Variants in FBN3 observed in about 807,000 individuals in gnomAD.
FBN3 encodes the protein fibrillin 3, also known as fibrillin-3.
In FBN3, 234 loss-of-function variants were observed where a neutral mutation model predicts 330.1. The ratio of observed to expected loss-of-function variants is 0.71; its 90% CI spans 0.64 to 0.79. The LOEUF is 0.79. FBN3 is among the 30% of genes least tolerant of loss of function. FBN3 has a pLI of 0.00. For missense variants in FBN3, 3,606 were observed against 3,886.9 expected (o/e 0.93, Z 1.92); for synonymous variants, 1,458 against 1,517.3 (o/e 0.96, Z 0.91).
At chr19:8,074,533 G>A (rs1383620967) in intron 61 of FBN3, among the ~76,000 whole-genome samples, 1 of 151,920 alleles carries the variant, frequency 6.6e-6, no homozygotes, top group Non-Finnish European at 1.5e-5. Flanking sequence ...AAGTGGGCCT[G>A]AAAATGGTAG....
intron 56 of FBN3, among the ~76,000 whole-genome samples, chr19:8,084,159 ACACT>A (rs1485917028): frequency 6.6e-6 from 1 of 152,136 alleles, no homozygotes; most frequent in Non-Finnish European, 1.5e-5. Flanking sequence ...TATCAGTGAC[ACACT>A]CAGTGAGACG....
At position 8,129,305 on chromosome 19, in the gene FBN3, C is replaced by T. The variant is rs1462253236; in HGVS notation, c.2105G>A (p.Arg702Gln). 7 of 1,614,106 alleles carry T rather than the reference C, an allele frequency of 4.3e-6. No homozygotes were observed. The highest frequency in any genetic ancestry group is 2.7e-5 in the African/African-American group (2 of 75,026). ...GTTGCAGACACAGCGGTAGCTGCCC[C>T]GAAGGTTCTCGCACACGCCATTGGC... ...VCANGVCENL[R>Q]GSYRCVCNLG... The change falls in exon 17 of 64, where the codon CGG (arginine) becomes CAG (glutamine). Residue 702 changes from arginine to glutamine, a missense_variant. Coordinates refer to ENST00000600128, the MANE Select transcript of FBN3 (RefSeq NM_032447.5). The surrounding 1 kb of genome is among the most constrained non-coding windows in gnomAD (Gnocchi z 4.5).
intron 29 of FBN3, 72 bp downstream of exon 29, chr19:8,116,602 G>C (rs2082709893): frequency 6.6e-7 from 1 of 1,515,416 alleles, no homozygotes; most frequent in Admixed American, 1.8e-5. Flanking sequence ...GTGCCACCTT[G>C]TGGAAGACCT....
chr19:8,093,170 T>C (rs766480116), intron 47 of FBN3, among the ~76,000 whole-genome samples: 4 of 152,146 alleles, frequency 2.6e-5, no homozygotes, highest in East Asian at 1.9e-4. Flanking sequence ...TAACTCATGT[T>C]GTACTAAGCT....
intron 22 of FBN3, 152 bp downstream of exon 22, chr19:8,125,740 G>C: frequency 1.3e-6 from 1 of 793,164 alleles, no homozygotes; most frequent in Non-Finnish European, 1.8e-6. Context: ...ACAGTGAGCC[G>C]AGATTGCGCC....
chr19:8,110,725 C>G (rs983775917), intron 34 of FBN3, 120 bp downstream of exon 34: 1 of 1,365,930 alleles, frequency 7.3e-7, no homozygotes, highest in South Asian at 1.3e-5. Flanking sequence ...CCCCACCCCC[C>G]AGCAAGACTG....
intron 37 of FBN3, among the ~76,000 whole-genome samples, chr19:8,107,718 G>T (rs1261141356): frequency 1.1e-5 from 1 of 88,972 alleles, no homozygotes; most frequent in African/African-American, 2.9e-5. Context: ...TGGTTGAATG[G>T]AAGTATGGAA....
chr19:8,099,957 T>C (rs1361275331), intron 41 of FBN3, among the ~76,000 whole-genome samples: 4 of 150,684 alleles, frequency 2.7e-5, no homozygotes, highest in African/African-American at 9.8e-5. Context: ...TTGCAGTAAG[T>C]TGAGATAGTG....
Position 8,109,212 on chromosome 19 carries a change from C to A in FBN3, c.4618+15G>T, listed in dbSNP as rs374791516. On this transcript the variant is annotated intron_variant, in intron 36 of 63. Coordinates refer to ENST00000600128, the MANE Select transcript of FBN3 (RefSeq NM_032447.5). The surrounding 1 kb of genome is among the most constrained non-coding windows in gnomAD (Gnocchi z 5.2). ...GGCTTAGGTCACGGTGTTCAACTGC[C>A]CCGCAGGGACTCACTGGTGTTGGCC... 1 of 1,613,316 alleles carries A rather than the reference C, an allele frequency of 6.2e-7. No individual in the cohort carries two copies. The highest frequency in any genetic ancestry group is 8.5e-7 in the Non-Finnish European group (1 of 1,179,616).
chr19:8,088,967 C>A (rs553961034), intron 51 of FBN3, among the ~76,000 whole-genome samples: 1 of 150,460 alleles, frequency 6.6e-6, no homozygotes, highest in African/African-American at 2.5e-5. Context: ...AATGAACAAG[C>A]GAAGGAATGA....
At chr19:8,084,603 T>C (rs569581594) in intron 56 of FBN3, among the ~76,000 whole-genome samples, 7 of 152,220 alleles carry the variant, frequency 4.6e-5, no homozygotes, top group African/African-American at 1.7e-4. Flanking sequence ...ATTTATTTTT[T>C]TGGGACAGAG....
chr19:8,084,024 A>C (rs935146042), intron 56 of FBN3, among the ~76,000 whole-genome samples: 1 of 151,310 alleles, frequency 6.6e-6, no homozygotes, highest in Admixed American at 6.6e-5. Context: ...GGATGGTCTC[A>C]ATCTCCTGAC....
In FBN3 at chr19:8,129,728, A is replaced by C. The variant is rs1479057501; in HGVS notation, c.2045-363T>G. On this transcript the variant is annotated intron_variant, in intron 16 of 63. Coordinates refer to ENST00000600128, the MANE Select transcript of FBN3 (RefSeq NM_032447.5). The surrounding 1 kb of genome is among the most constrained non-coding windows in gnomAD (Gnocchi z 4.5). ...ATTATCTCCAGTTTGGAAATAGTGGAGCAGACATCCATACAGTGGCACTGT... is the reference window on the plus strand; with the variant it reads ...ATTATCTCCAGTTTGGAAATAGTGGCGCAGACATCCATACAGTGGCACTGT... Among the ~76,000 whole-genome samples, 1 of 152,104 alleles carries C rather than the reference A, an allele frequency of 6.6e-6. No homozygotes were observed. The highest frequency in any genetic ancestry group is 2.4e-5 in the African/African-American group (1 of 41,424).
At chr19:8,124,617 A>C (rs1419456801) in intron 22 of FBN3, among the ~76,000 whole-genome samples, 1 of 149,252 alleles carries the variant, frequency 6.7e-6, no homozygotes, top group East Asian at 2.0e-4. Context: ...AGCTCACTGC[A>C]ACCTCCGCCT....
At chr19:8,088,039 C>T (rs1364954955) in intron 52 of FBN3, 21 bp downstream of exon 52, 1 of 1,614,128 alleles carries the variant, frequency 6.2e-7, no homozygotes. Context: ...CGGCCCAGGT[C>T]CTGGGCAAGC....
intron 57 of FBN3, 110 bp from the exon 58 acceptor site, chr19:8,081,590 A>AAGTC: frequency 7.9e-7 from 1 of 1,262,482 alleles, no homozygotes; most frequent in Non-Finnish European, 1.1e-6. Flanking sequence ...CTGTGGACTT[A>AAGTC]CACAGGAATG....
chr19:8,089,927 C>T lies in FBN3; in HGVS notation c.6217G>A (p.Gly2073Arg), dbSNP rs970269817. The T allele has an allele frequency of 1.1e-5, 17 of 1,607,636 alleles. No homozygotes were observed. The highest frequency in any genetic ancestry group is 3.3e-5 in the South Asian group (3 of 90,164). The change falls in exon 50 of 64, where the codon GGG (glycine) becomes AGG (arginine). Residue 2073 changes from glycine (G) to arginine (R), a missense_variant. Coordinates refer to ENST00000600128, the MANE Select transcript of FBN3 (RefSeq NM_032447.5). The stretch of plus-strand genomic sequence containing the variant: ...GAGTCATCCGGGCCTGGGACTGCCC[C>T]GTGGCCAAAGGGGCAGAGCTCCTGA... Reference protein sequence around the residue: ...AFQELCPFGHGAVPGPDDSRE... With the variant: ...AFQELCPFGHRAVPGPDDSRE...
At position 8,131,746 on chromosome 19, in the gene FBN3, C is replaced by A; in HGVS notation, c.1798G>T (p.Gly600Trp). ...TEGSFRCQCL[G>W]GLAVGTDGRV... is the part of the protein sequence containing the mutation. ...CCATCCGTGCCTACCGCCAGCCCCCCCAGGCACTGGCAGCGGAAGGAGCCC... is the reference window on the plus strand; with the variant it reads ...CCATCCGTGCCTACCGCCAGCCCCCACAGGCACTGGCAGCGGAAGGAGCCC... Residue 600 changes from glycine to tryptophan, a missense_variant, in exon 15 of 64, where the codon GGG (glycine) becomes TGG (tryptophan). Coordinates refer to ENST00000600128, the MANE Select transcript of FBN3 (RefSeq NM_032447.5). The surrounding 1 kb of genome is among the most constrained non-coding windows in gnomAD (Gnocchi z 4.5). 6.2e-7 allele frequency: 1 copy of A among 1,613,630 alleles called. No homozygotes were observed. The highest frequency in any genetic ancestry group is 8.5e-7 in the Non-Finnish European group (1 of 1,179,810).
rs1363205906 is a variant in FBN3, at chr19:8,073,206, G to A, written c.7794C>T (p.Gly2598=). ...CCCCGAGGGCCTGATCAAAGTCAAAGCCAGAGGGGCAGACGCAGCGGAAGC... is the reference window on the plus strand; with the variant it reads ...CCCCGAGGGCCTGATCAAAGTCAAAACCAGAGGGGCAGACGCAGCGGAAGC... ...LGGFRCVCPS[G]FDFDQALGGC... is the part of the protein sequence containing the mutation. Residue 2598 remains glycine, a synonymous_variant, in exon 62 of 64, where the codon GGC becomes GGT. Coordinates refer to ENST00000600128, the MANE Select transcript of FBN3 (RefSeq NM_032447.5). The A allele has an allele frequency of 1.2e-6, 2 of 1,614,046 alleles. No homozygotes were observed. The highest frequency in any genetic ancestry group is 4.5e-5 in the East Asian group (2 of 44,876).
Sources: allele counts gnomAD v4.1 joint callset (sites outside exome capture counted in the v4.1 genomes callset), GRCh38; gene constraint gnomAD v4.1.1; non-coding constraint Gnocchi (gnomAD v3.1); transcripts MANE v1.5; gene names NCBI Gene and HGNC (gene_info 2026-07-23, HGNC 2026-07-21).